The following KDM3B variants were observed in gnomAD, a reference collection of about 807,000 sequenced individuals.
KDM3B encodes the protein lysine-specific demethylase 3B.
A neutral mutation model predicts 170.0 loss-of-function variants in KDM3B; 10 were observed. The ratio of observed to expected loss-of-function variants is 0.06; its 90% CI spans 0.04 to 0.10. The LOEUF is 0.10. Ranked by LOEUF, KDM3B falls within the 10% of genes least tolerant of loss-of-function variation. KDM3B has a pLI of 1.00. For missense variants in KDM3B, 1,394 were observed against 2,195.2 expected, an observed-to-expected ratio of 0.64 and a Z score of 7.29; for synonymous variants, 831 against 834.8, an observed-to-expected ratio of 1.00 and a Z score of 0.08.
At chr5:138,423,683 A>G (rs760399491) in intron 15 of KDM3B, among the ~76,000 whole-genome samples, 9 of 152,208 alleles carry the variant, frequency 5.9e-5, no homozygotes, top group Non-Finnish European at 8.8e-5. Flanking sequence ...TCCCTTGGGC[A>G]TGCTGGTTAG....
At chr5:138,360,254 T>A (rs1761561995) in intron 1 of KDM3B, among the ~76,000 whole-genome samples, 1 of 152,242 alleles carries the variant, frequency 6.6e-6, no homozygotes, top group Non-Finnish European at 1.5e-5. Flanking sequence ...GTTGAAACTC[T>A]GAGTGATACC....
intron 1 of KDM3B, among the ~76,000 whole-genome samples, chr5:138,366,380 G>C (rs1325836988): frequency 1.3e-5 from 2 of 151,850 alleles, no homozygotes; most frequent in African/African-American, 4.8e-5. Flanking sequence ...GTCCAGGCTG[G>C]AGTGCAGTGG....
intron 1 of KDM3B, among the ~76,000 whole-genome samples, chr5:138,361,579 G>C (rs768829065): frequency 1.3e-5 from 2 of 152,208 alleles, no homozygotes; most frequent in Non-Finnish European, 2.9e-5. Context: ...ATTGGGTGTT[G>C]CCAAAAGGCT....
intron 1 of KDM3B, among the ~76,000 whole-genome samples, chr5:138,365,923 G>A (rs1469339821): frequency 2.0e-5 from 3 of 152,010 alleles, no homozygotes; most frequent in Non-Finnish European, 2.9e-5. Flanking sequence ...GTTTGAACCC[G>A]GGAAGCGGAG....
intron 12 of KDM3B, among the ~76,000 whole-genome samples, chr5:138,416,412 A>G (rs560694791): frequency 6.6e-6 from 1 of 151,846 alleles, no homozygotes; most frequent in Admixed American, 6.6e-5. Flanking sequence ...CAACATGGTG[A>G]AACCCCACCT....
chr5:138,399,135 G>A (rs567706230), intron 10 of KDM3B, among the ~76,000 whole-genome samples: 83 of 151,454 alleles, frequency 5.5e-4, no homozygotes, highest in Non-Finnish European at 8.8e-4. Context: ...TGATCTGCCC[G>A]CCTCAGCCTT....
At chr5:138,388,605 C>T (rs966729727) in intron 7 of KDM3B, among the ~76,000 whole-genome samples, 1 of 146,368 alleles carries the variant, frequency 6.8e-6, no homozygotes, top group African/African-American at 2.6e-5. Flanking sequence ...TGTGCCACTG[C>T]ACTCCAGCCT....
chr5:138,396,347 A>G (rs1334499826), intron 9 of KDM3B, among the ~76,000 whole-genome samples: 1 of 152,070 alleles, frequency 6.6e-6, no homozygotes, highest in Non-Finnish European at 1.5e-5. Flanking sequence ...CGCCCGCCTC[A>G]GCCTCCCAAA....
At chr5:138,399,229 A>G (rs1331956937) in intron 10 of KDM3B, among the ~76,000 whole-genome samples, 1 of 150,282 alleles carries the variant, frequency 6.7e-6, no homozygotes, top group Non-Finnish European at 1.5e-5. Flanking sequence ...TTATTTTTAA[A>G]CTCCCCCAGT....
At chr5:138,379,842 C>T in intron 5 of KDM3B, 134 bp downstream of exon 5, 1 of 766,530 alleles carries the variant, frequency 1.3e-6, no homozygotes, top group Non-Finnish European at 2.0e-6. Flanking sequence ...GTTGTATAAC[C>T]CCTAGAAAGG....
At chr5:138,434,387 A>C (rs1219284284) in intron 23 of KDM3B, among the ~76,000 whole-genome samples, 2 of 152,270 alleles carry the variant, frequency 1.3e-5, no homozygotes, top group Non-Finnish European at 2.9e-5. Context: ...GTCTCTACTA[A>C]AAATACAAAA....
At chr5:138,394,052 A>G (rs1281851239) in intron 9 of KDM3B, among the ~76,000 whole-genome samples, 1 of 152,162 alleles carries the variant, frequency 6.6e-6, no homozygotes, top group African/African-American at 2.4e-5. Context: ...CAACAAAAAA[A>G]TCAAATTTCA....
chr5:138,406,218 C>T (rs1354090400), intron 11 of KDM3B, among the ~76,000 whole-genome samples: 1 of 152,098 alleles, frequency 6.6e-6, no homozygotes. Context: ...TGGTGGCACA[C>T]ACCTGTGGTC....
chr5:138,376,492 CAG>C (rs1453464703), intron 3 of KDM3B, among the ~76,000 whole-genome samples: 2 of 151,878 alleles, frequency 1.3e-5, no homozygotes, highest in African/African-American at 4.8e-5. Context: ...ATCATGAGGT[CAG>C]GGGATCGAGA....
chr5:138,397,290 G>A (rs990425314), intron 9 of KDM3B, among the ~76,000 whole-genome samples: 1 of 151,886 alleles, frequency 6.6e-6, no homozygotes, highest in African/African-American at 2.4e-5. Flanking sequence ...AGCCAAGATC[G>A]CACCACTGCA....
chr5:138,432,854 C>T (rs962986305), intron 23 of KDM3B, among the ~76,000 whole-genome samples: 4 of 151,580 alleles, frequency 2.6e-5, no homozygotes, highest in Middle Eastern at 3.5e-3. Context: ...ATGCCATTCT[C>T]TTGCCTCAGC....
intron 11 of KDM3B, 138 bp downstream of exon 11, chr5:138,400,150 T>A: frequency 1.3e-6 from 1 of 768,028 alleles, no homozygotes; most frequent in Non-Finnish European, 2.0e-6. Flanking sequence ...TGTTGTATTT[T>A]AAGACCTTAA....
rs930126056 is a variant in KDM3B, at chr5:138,427,092, T to C, written c.4502+27T>C. 4 of 1,610,142 alleles carry C rather than the reference T, an allele frequency of 2.5e-6. No individual in the cohort carries two copies. In the African/African-American group the frequency reaches 5.3e-5, roughly 22 times the overall value. ...TTAGTGACCTGCAGTGGTGTCATCT[T>C]CAGAAGCCATCACAAAGTAATCACA... On this transcript the variant is annotated intron_variant, in intron 18 of 23. Transcript: ENST00000314358.
chr5:138,415,945 G>A (rs1763092163), intron 12 of KDM3B, among the ~76,000 whole-genome samples: 1 of 152,136 alleles, frequency 6.6e-6, no homozygotes. Context: ...AGCTAAAATG[G>A]TCAGGTGTGG....
Sources: gnomAD v4.1 joint callset for allele counts (sites outside exome capture counted in the v4.1 genomes callset) on GRCh38, gnomAD v4.1.1 for gene constraint, MANE v1.5 for transcripts, NCBI Gene and HGNC (gene_info 2026-07-23, HGNC 2026-07-21) for gene names.